Variants in FRMD4A observed in about 807,000 individuals in gnomAD.
FRMD4A encodes the protein FERM domain containing 4A.
Under a neutral mutation model 129.1 loss-of-function variants are expected in FRMD4A, and 29 were observed. The ratio of observed to expected loss-of-function variants is 0.22; its 90% CI spans 0.17 to 0.31. The LOEUF (loss-of-function observed/expected upper bound fraction) is 0.31, where lower values mean the gene tolerates loss of function less well. Among genes scored for constraint, FRMD4A ranks in the 10% least tolerant of loss-of-function variants. FRMD4A has a pLI of 1.00. For missense variants in FRMD4A, 1,272 were observed against 1,375.8 expected (o/e 0.92, Z 1.19); for synonymous variants, 634 against 571.6 (o/e 1.11, Z -1.56).
chr10:14,261,941 AACAC>A (rs55763234), intron 2 of FRMD4A, among the ~76,000 whole-genome samples: 4,754 of 128,214 alleles, frequency 0.037, 96 homozygotes, highest in East Asian at 0.077. Context: ...CACCACACCA[AACAC>A]ACACACACAC....
chr10:14,108,684 C>T lies in FRMD4A; in HGVS notation c.45+221374G>A, dbSNP rs1588991652. On this transcript the variant is annotated intron_variant, in intron 2 of 24. Coordinates refer to ENST00000357447, the MANE Select transcript of FRMD4A (RefSeq NM_018027.5). ...CTTGGAGAAAGAACACACTTAAAGG[C>T]TGGGTTTTCGCATAGGAAAAATAAG... Among the ~76,000 whole-genome samples, 10 of 152,252 alleles carry T rather than the reference C, an allele frequency of 6.6e-5. No homozygotes were observed. The South Asian group carries it at 2.1e-3, about 32-fold the overall frequency.
intron 15 of FRMD4A, among the ~76,000 whole-genome samples, chr10:13,682,457 T>C (rs1053860923): frequency 2.6e-5 from 4 of 151,998 alleles, no homozygotes; most frequent in East Asian, 1.9e-4. Flanking sequence ...CTGCACTTCA[T>C]TGAATCCTCA....
Position 13,654,635 on chromosome 10 carries a change from GGAAGGACCCCAGAGCA to G in FRMD4A, c.2954-139_2954-124del, listed in dbSNP as rs2081983368. ...GAGGTCACCATTTCCAGGGATGCTG[GGAAGGACCCCAGAGCA>G]GGGTCTCAGCATCCCTATGGCATGG... On this transcript the variant is annotated intron_variant, in intron 22 of 24. Coordinates refer to ENST00000357447, the MANE Select transcript of FRMD4A (RefSeq NM_018027.5). The G allele has an allele frequency of 4.3e-5, 28 of 651,298 alleles. No homozygotes were observed. In the South Asian group the frequency reaches 5.0e-4, roughly 12 times the overall value. 40.3% of individuals were successfully genotyped at this position (651,298 alleles called of 1,614,324 possible).
intron 2 of FRMD4A, among the ~76,000 whole-genome samples, chr10:14,045,049 C>T (rs906727966): frequency 2.6e-5 from 4 of 152,056 alleles, no homozygotes; most frequent in Admixed American, 6.6e-5. Context: ...ACTACAGGCA[C>T]CCACCACCGT....
chr10:14,313,274 G>T (rs1328311488), intron 2 of FRMD4A, among the ~76,000 whole-genome samples: 1 of 151,862 alleles, frequency 6.6e-6, no homozygotes. Flanking sequence ...GAGGTGGGAG[G>T]ATCACTTGAC....
At chr10:13,827,352 G>A (rs1045419486) in intron 3 of FRMD4A, among the ~76,000 whole-genome samples, 6 of 152,266 alleles carry the variant, frequency 3.9e-5, no homozygotes, top group Middle Eastern at 3.4e-3. Context: ...CACGATCTGC[G>A]CCGTTCCCAC....
chr10:14,073,695 C>T lies in FRMD4A; in HGVS notation c.46-214783G>A, dbSNP rs5019855. Reference sequence around the variant, plus strand: ...TCCAGGGGTATGAATGTGTCGTGTTCATGGGTTTTTCACCACCACCGGGAT... The same window carrying T: ...TCCAGGGGTATGAATGTGTCGTGTTTATGGGTTTTTCACCACCACCGGGAT... On this transcript the variant is annotated intron_variant, in intron 2 of 24. Transcript: ENST00000357447. Among the ~76,000 whole-genome samples, 1,466 of 152,166 alleles carry T rather than the reference C, an allele frequency of 9.6e-3. 76 individuals carry two copies. In the East Asian group the frequency reaches 0.16, roughly 17 times the overall value.
At chr10:13,907,097 A>C (rs991294169) in intron 2 of FRMD4A, among the ~76,000 whole-genome samples, 1 of 152,190 alleles carries the variant, frequency 6.6e-6, no homozygotes, top group Non-Finnish European at 1.5e-5. Flanking sequence ...AACACTGCCG[A>C]AAAATGATGG....
intron 2 of FRMD4A, among the ~76,000 whole-genome samples, chr10:13,982,913 A>G (rs112027245): frequency 0.022 from 3,360 of 152,306 alleles, 131 homozygotes; most frequent in African/African-American, 0.076. Context: ...ATCAGCCAAC[A>G]AGAAGTCCCT....
At chr10:14,304,197 A>G (rs947112026) in intron 2 of FRMD4A, among the ~76,000 whole-genome samples, 6 of 152,152 alleles carry the variant, frequency 3.9e-5, no homozygotes, top group African/African-American at 1.4e-4. Flanking sequence ...TAAATTTTTG[A>G]GGAACTGCCA....
chr10:14,190,264 A>G (rs1842277217), intron 2 of FRMD4A, among the ~76,000 whole-genome samples: 1 of 152,178 alleles, frequency 6.6e-6, no homozygotes, highest in African/African-American at 2.4e-5. Context: ...CACCCCTCTC[A>G]TGTTGGTAGT....
chr10:14,020,947 G>A (rs1832717899), intron 2 of FRMD4A, among the ~76,000 whole-genome samples: 1 of 152,178 alleles, frequency 6.6e-6, no homozygotes, highest in East Asian at 1.9e-4. Context: ...GGGATGAAGA[G>A]AACTGACCTA....
At chr10:13,720,206 G>A (rs987615055) in intron 12 of FRMD4A, among the ~76,000 whole-genome samples, 1 of 152,228 alleles carries the variant, frequency 6.6e-6, no homozygotes, top group Non-Finnish European at 1.5e-5. Context: ...GCGCCAGCAC[G>A]CCCAGCTAAT....
intron 2 of FRMD4A, among the ~76,000 whole-genome samples, chr10:14,062,355 G>C (rs760637828): frequency 2.0e-5 from 3 of 152,192 alleles, no homozygotes; most frequent in Non-Finnish European, 4.4e-5. Context: ...TGCACGGAAG[G>C]CTATTCTCCA....
chr10:14,214,164 C>G (rs1843007666), intron 2 of FRMD4A, among the ~76,000 whole-genome samples: 1 of 152,196 alleles, frequency 6.6e-6, no homozygotes, highest in South Asian at 2.1e-4. Context: ...ATGACCTAGT[C>G]TCAGGCTTTT....
At chr10:13,988,594 A>G (rs1487706128) in intron 2 of FRMD4A, among the ~76,000 whole-genome samples, 1 of 152,222 alleles carries the variant, frequency 6.6e-6, no homozygotes, top group Non-Finnish European at 1.5e-5. Flanking sequence ...ACATATATAC[A>G]TAGATAGATG....
chr10:14,048,135 T>G (rs1040739405), intron 2 of FRMD4A, among the ~76,000 whole-genome samples: 4 of 152,162 alleles, frequency 2.6e-5, no homozygotes, highest in African/African-American at 9.7e-5. Flanking sequence ...TGCTCTGAGC[T>G]AGGCTAAAGA....
chr10:14,264,548 G>T (rs1205601093), intron 2 of FRMD4A, among the ~76,000 whole-genome samples: 1 of 138,972 alleles, frequency 7.2e-6, no homozygotes. Context: ...ACTATACCAT[G>T]TACTGTATAC....
chr10:13,889,140 T>A (rs1175257096), intron 2 of FRMD4A, among the ~76,000 whole-genome samples: 1 of 152,240 alleles, frequency 6.6e-6, no homozygotes, highest in East Asian at 1.9e-4. Context: ...TAACGATCTT[T>A]GATGGTAGTC....
Sources: allele counts gnomAD v4.1 joint callset (sites outside exome capture counted in the v4.1 genomes callset), GRCh38; gene constraint gnomAD v4.1.1; transcripts MANE v1.5; gene names NCBI Gene and HGNC (gene_info 2026-07-23, HGNC 2026-07-21).